The following RNF214 variants were observed in gnomAD, a reference collection of about 807,000 sequenced individuals.
RNF214 encodes the protein ring finger protein 214.
RNF214 carries 25 observed loss-of-function variants against 75.9 expected under a neutral mutation model. That is an observed-to-expected ratio of 0.33 (90% CI 0.24 to 0.46). The LOEUF is 0.46. Ranked by LOEUF, RNF214 falls within the 20% of genes least tolerant of loss-of-function variation. The probability of loss-of-function intolerance (pLI) is 1.00; values close to 1 mark genes in which losing one functional copy is unlikely to be tolerated. For missense variants in RNF214, 725 were observed against 857.5 expected (o/e 0.85, Z 1.93); for synonymous variants, 314 against 308.8 (o/e 1.02, Z -0.18).
rs1444881343 is a variant in RNF214 at position 117,283,180 on chromosome 11, A to G, written c.2016A>G (p.Pro672=). 2.2e-5 allele frequency: 35 copies of G among 1,613,830 alleles called. No individual in the cohort carries two copies. Among genetic ancestry groups the G allele is most frequent in the Non-Finnish European group, 3.0e-5 (35 of 1,179,844 alleles). Residue 672 remains proline, a synonymous_variant, in exon 14 of 15, where the codon CCA becomes CCG. Coordinates refer to ENST00000300650, the MANE Select transcript of RNF214 (RefSeq NM_207343.4). The part of the protein sequence containing the change: ...QKLVQPSELH[P]MACTHVLHKE... ...TCGTCCAGCCCAGTGAGCTGCATCC[A>G]ATGGCGTGTACCCATGTATTGCACA...
intron 6 of RNF214, among the ~76,000 whole-genome samples, chr11:117,254,038 G>C (rs1214991399): frequency 6.6e-6 from 1 of 152,130 alleles, no homozygotes; most frequent in Admixed American, 6.6e-5. Flanking sequence ...CAGATCACCT[G>C]AGGTCAGGAG....
At chr11:117,241,542 T>A (rs1020347257) in intron 4 of RNF214, among the ~76,000 whole-genome samples, 1 of 149,758 alleles carries the variant, frequency 6.7e-6, no homozygotes, top group African/African-American at 2.5e-5. Context: ...ATTGCACCAC[T>A]GCACTCCAGC....
At chr11:117,242,619 A>G (rs61903660) in intron 4 of RNF214, among the ~76,000 whole-genome samples, 15,748 of 152,206 alleles carry the variant, frequency 0.1, 887 homozygotes, top group Middle Eastern at 0.15. Flanking sequence ...TTGAGAGGCC[A>G]AGGCAGGGGT....
At chr11:117,258,323 C>T (rs1010974144) in intron 6 of RNF214, among the ~76,000 whole-genome samples, 1 of 152,248 alleles carries the variant, frequency 6.6e-6, no homozygotes, top group East Asian at 1.9e-4. Context: ...CACTCGGCCT[C>T]CCAAAGTGCT....
intron 2 of RNF214, among the ~76,000 whole-genome samples, chr11:117,235,091 T>A (rs939978081): frequency 2.6e-5 from 4 of 152,252 alleles, no homozygotes; most frequent in Non-Finnish European, 5.9e-5. Flanking sequence ...TGTAAATAGT[T>A]GTGTTGTTTA....
At chr11:117,272,663 A>C (rs147138721) in intron 6 of RNF214, among the ~76,000 whole-genome samples, 93 of 151,998 alleles carry the variant, frequency 6.1e-4, no homozygotes, top group African/African-American at 2.1e-3. Context: ...GGCAATTGTC[A>C]AGGAATGAAG....
intron 6 of RNF214, among the ~76,000 whole-genome samples, chr11:117,261,342 G>A (rs1056577906): frequency 2.0e-5 from 3 of 152,146 alleles, no homozygotes; most frequent in African/African-American, 7.2e-5. Context: ...CACTTTGGGA[G>A]GCCGAGGCGG....
intron 2 of RNF214, among the ~76,000 whole-genome samples, chr11:117,235,132 A>G (rs2134349881): frequency 6.6e-6 from 1 of 152,378 alleles, no homozygotes; most frequent in South Asian, 2.1e-4. Context: ...AAGTTTGTAC[A>G]TGTTCAGTAC....
chr11:117,285,166 G>T lies in RNF214; in HGVS notation c.*15G>T, dbSNP rs1371501913. 2 of 1,584,738 alleles carry T rather than the reference G, an allele frequency of 1.3e-6. No individual in the cohort carries two copies. The highest frequency in any genetic ancestry group is 2.2e-5 in the East Asian group (1 of 44,714). ...CTCTTAAATGACGGACCTGACTGGG[G>T]AGGAAGAAGAAGAGAAACTGATGTG... is the stretch of plus-strand genomic sequence containing the variant. On this transcript the variant is annotated 3_prime_UTR_variant, in exon 15 of 15. Coordinates refer to ENST00000300650, the MANE Select transcript of RNF214 (RefSeq NM_207343.4).
chr11:117,281,475 A>G, intron 9 of RNF214, 71 bp downstream of exon 9: 2 of 1,408,810 alleles, frequency 1.4e-6, no homozygotes, highest in Non-Finnish European at 2.0e-6. Flanking sequence ...ATTGGGAGGT[A>G]GCCTTTTGCA....
intron 8 of RNF214, 38 bp downstream of exon 8, chr11:117,280,297 C>A: frequency 7.5e-7 from 1 of 1,338,064 alleles, no homozygotes; most frequent in Non-Finnish European, 1.1e-6. Context: ...AATTGTTTTG[C>A]AGTTTGTTTG....
chr11:117,270,571 C>G (rs1401300965), intron 6 of RNF214, among the ~76,000 whole-genome samples: 7 of 151,488 alleles, frequency 4.6e-5, no homozygotes, highest in Admixed American at 6.6e-5. Flanking sequence ...CCCCCACCCC[C>G]CCGGTAGCTG....
intron 2 of RNF214, among the ~76,000 whole-genome samples, chr11:117,235,019 A>G (rs2032862595): frequency 6.6e-6 from 1 of 152,250 alleles, no homozygotes; most frequent in African/African-American, 2.4e-5. Context: ...TAACCTATGC[A>G]TGTCCTCCCA....
At position 117,282,235 on chromosome 11, in the gene RNF214, G is replaced by A. The variant is rs774655605; in HGVS notation, c.1677G>A (p.Leu559=). ...CAGTAGACAAACTGGAGAAGATCCTGGAGAAGCTGCTGACCCGGTTCCCAC... is the reference window on the plus strand; with the variant it reads ...CAGTAGACAAACTGGAGAAGATCCTAGAGAAGCTGCTGACCCGGTTCCCAC... ...PQPVDKLEKI[L]EKLLTRFPQC... is the part of the protein sequence containing the mutation. The change falls in exon 11 of 15, where the codon CTG becomes CTA. Residue 559 remains leucine, a synonymous_variant. Coordinates refer to ENST00000300650, the MANE Select transcript of RNF214 (RefSeq NM_207343.4). 3.1e-6 allele frequency: 5 copies of A among 1,604,646 alleles called. No homozygotes were observed. In the African/African-American group the frequency reaches 6.7e-5, roughly 21 times the overall value.
At chr11:117,281,864 C>T in intron 10 of RNF214, 30 bp from the exon 11 acceptor site, 1 of 1,602,236 alleles carries the variant, frequency 6.2e-7, no homozygotes, top group Non-Finnish European at 8.5e-7. Flanking sequence ...CTTCCTTTCT[C>T]TCTCGTCCTC....
chr11:117,243,144 A>AT (rs780777795), intron 4 of RNF214, among the ~76,000 whole-genome samples: 47,039 of 147,070 alleles, frequency 0.32, 7,594 homozygotes, highest in South Asian at 0.42. Context: ...TAATTAATTA[A>AT]TTAATTTATT....
intron 6 of RNF214, among the ~76,000 whole-genome samples, chr11:117,252,025 C>A (rs910307315): frequency 4.6e-5 from 7 of 152,246 alleles, no homozygotes; most frequent in Middle Eastern, 3.4e-3. Context: ...TGTGCCACCA[C>A]GCCCGACTAA....
chr11:117,238,470 A>T, intron 2 of RNF214, 131 bp from the exon 3 acceptor site: 1 of 833,718 alleles, frequency 1.2e-6, no homozygotes, highest in Non-Finnish European at 1.9e-6. Flanking sequence ...CATACAGGAT[A>T]GAAATCATTG....
intron 4 of RNF214, 127 bp downstream of exon 4, chr11:117,239,987 T>C (rs987734696): frequency 2.5e-5 from 15 of 605,610 alleles, no homozygotes; most frequent in Admixed American, 1.5e-4. Flanking sequence ...GTCAGGTGAC[T>C]TTTCCTTGAT....
Sources: gnomAD v4.1 joint callset for allele counts (sites outside exome capture counted in the v4.1 genomes callset) on GRCh38, gnomAD v4.1.1 for gene constraint, MANE v1.5 for transcripts, NCBI Gene and HGNC (gene_info 2026-07-23, HGNC 2026-07-21) for gene names.